The following OR9Q1 variants were observed in gnomAD, a reference collection of about 807,000 sequenced individuals.
The protein encoded by OR9Q1 is olfactory receptor family 9 subfamily Q member 1, also known as olfactory receptor 9Q1.
For missense variants in OR9Q1, 374 were observed against 378.8 expected (o/e 0.99, Z 0.11); for synonymous variants, 153 against 148.6 (o/e 1.03, Z -0.22).
At chr11:58,087,965 G>C (rs1853649357) in intron 2 of OR9Q1, among the ~76,000 whole-genome samples, 1 of 151,580 alleles carries the variant, frequency 6.6e-6, no homozygotes, top group Non-Finnish European at 1.5e-5. Flanking sequence ...CTCGTTCACT[G>C]CAACCTCTGC....
At chr11:58,106,827 C>A (rs893316490) in intron 2 of OR9Q1, among the ~76,000 whole-genome samples, 1 of 152,098 alleles carries the variant, frequency 6.6e-6, no homozygotes, top group Non-Finnish European at 1.5e-5. Context: ...TATTTCTGGG[C>A]TGCCTATTCT....
At chr11:58,031,935 C>T in intron 1 of OR9Q1, 2 of 1,345,170 alleles carry the variant, frequency 1.5e-6, no homozygotes, top group Non-Finnish European at 2.1e-6. Flanking sequence ...AGTTTCCTTG[C>T]CTTGGATATT....
At chr11:58,147,797 T>A (rs1565090344) in intron 2 of OR9Q1, among the ~76,000 whole-genome samples, 1 of 152,202 alleles carries the variant, frequency 6.6e-6, no homozygotes, top group African/African-American at 2.4e-5. Flanking sequence ...AATTACCTAA[T>A]GTGTGTCAGA....
chr11:58,129,236 CGTGTGTGTGTGTGT>C (rs59902083), intron 2 of OR9Q1, among the ~76,000 whole-genome samples: 20 of 144,756 alleles, frequency 1.4e-4, no homozygotes, highest in Admixed American at 1.4e-4. Flanking sequence ...CAGAGCAATT[CGTGTGTGTGTGTGT>C]GTGTGTGTGT....
At chr11:58,053,649 A>ATATATATATTATATATATATAAAT (rs1853296994) in intron 1 of OR9Q1, among the ~76,000 whole-genome samples, 3 of 144,810 alleles carry the variant, frequency 2.1e-5, no homozygotes, top group East Asian at 2.0e-4. Context: ...TATATAAATT[A>ATATATATATTATATATATATAAAT]TATATATATA....
At chr11:58,169,790 AT>A (rs1854538043) in intron 2 of OR9Q1, among the ~76,000 whole-genome samples, 1 of 152,026 alleles carries the variant, frequency 6.6e-6, no homozygotes, top group Non-Finnish European at 1.5e-5. Flanking sequence ...AGGACGGGAC[AT>A]TTAGTATAAC....
At chr11:58,171,650 C>G (rs1028590689) in intron 2 of OR9Q1, 1 of 151,620 alleles carries the variant, frequency 6.6e-6, no homozygotes, top group African/African-American at 2.4e-5. Context: ...GCTGACCATT[C>G]CAATTTTATA....
At position 58,149,811 on chromosome 11, in the gene OR9Q1, C is replaced by T. The variant is rs1387955603; in HGVS notation, c.-14-29620C>T. Among the ~76,000 whole-genome samples the T allele has an allele frequency of 3.3e-5, 5 of 152,148 alleles. No individual in the cohort carries two copies. In the East Asian group the frequency reaches 9.6e-4, roughly 29 times the overall value. ...CAGAACTCCACTGCTTTTTATAAAT[C>T]AATAATAATCTATTGCATGGATATG... On this transcript the variant is annotated intron_variant, in intron 2 of 2. Coordinates refer to ENST00000335397, the MANE Select transcript of OR9Q1 (RefSeq NM_001005212.4).
At chr11:58,079,973 G>T (rs1170734245) in intron 2 of OR9Q1, among the ~76,000 whole-genome samples, 2 of 152,058 alleles carry the variant, frequency 1.3e-5, no homozygotes, top group Admixed American at 6.6e-5. Context: ...TTTAAGTTAC[G>T]CAGCAAAGAG....
Position 58,147,829 on chromosome 11 carries a change from A to G in OR9Q1, c.-14-31602A>G, listed in dbSNP as rs12574234. Among the ~76,000 whole-genome samples, 196 of 152,332 alleles carry G rather than the reference A, an allele frequency of 1.3e-3. 3 individuals carry two copies. The East Asian group carries it at 0.035, about 27-fold the overall frequency. Reference sequence around the variant, plus strand: ...CAGATTCTGTGCTGAGTTTTCACTTATCTCATTTAAAGATTTCATTCTTAA... The same window carrying G: ...CAGATTCTGTGCTGAGTTTTCACTTGTCTCATTTAAAGATTTCATTCTTAA... On this transcript the variant is annotated intron_variant, in intron 2 of 2. Transcript: ENST00000335397.
chr11:58,037,780 G>A (rs181183359), intron 1 of OR9Q1, among the ~76,000 whole-genome samples: 3,426 of 127,810 alleles, frequency 0.027, 63 homozygotes, highest in East Asian at 0.064. Flanking sequence ...ATGCAGTGGC[G>A]CGATCTCGGC....
chr11:58,027,610 T>G (rs1473036997), intron 1 of OR9Q1, among the ~76,000 whole-genome samples: 1 of 152,196 alleles, frequency 6.6e-6, no homozygotes, highest in Non-Finnish European at 1.5e-5. Context: ...GTGAGTCGTT[T>G]TCTTCAGGGA....
chr11:58,090,083 C>T (rs2120062184), intron 2 of OR9Q1, among the ~76,000 whole-genome samples: 1 of 152,294 alleles, frequency 6.6e-6, no homozygotes, highest in Middle Eastern at 3.4e-3. Context: ...ACAATCATGT[C>T]ATCTGCAAAC....
chr11:58,111,848 A>T (rs1229065377), intron 2 of OR9Q1, among the ~76,000 whole-genome samples: 1 of 152,158 alleles, frequency 6.6e-6, no homozygotes. Context: ...TTCTTGAGGT[A>T]GCATTTTACA....
chr11:58,178,363 A>G (rs554781087), intron 2 of OR9Q1, among the ~76,000 whole-genome samples: 1 of 152,326 alleles, frequency 6.6e-6, no homozygotes, highest in African/African-American at 2.4e-5. Flanking sequence ...ACTCTCCAAA[A>G]ATATCCTTTC....
intron 2 of OR9Q1, among the ~76,000 whole-genome samples, chr11:58,084,439 T>C (rs902447404): frequency 1.2e-4 from 18 of 151,896 alleles, no homozygotes; most frequent in African/African-American, 3.4e-4. Flanking sequence ...TAACTGATTA[T>C]ATGAAGCTGG....
chr11:58,105,651 C>G (rs1853832783), intron 2 of OR9Q1, among the ~76,000 whole-genome samples: 1 of 152,086 alleles, frequency 6.6e-6, no homozygotes, highest in Middle Eastern at 3.2e-3. Flanking sequence ...CCCTTCATGC[C>G]TTGGCAACCA....
At chr11:58,160,994 CTTTA>C (rs991695812) in intron 2 of OR9Q1, among the ~76,000 whole-genome samples, 2 of 150,460 alleles carry the variant, frequency 1.3e-5, no homozygotes, top group Non-Finnish European at 2.9e-5. Flanking sequence ...ATTGAATACC[CTTTA>C]TTTCTTTCTC....
At chr11:58,037,300 C>A (rs1010387737) in intron 1 of OR9Q1, among the ~76,000 whole-genome samples, 3 of 152,084 alleles carry the variant, frequency 2.0e-5, no homozygotes, top group African/African-American at 7.2e-5. Flanking sequence ...ATAGTGTAAA[C>A]ATACTTTTGT....
Sources: allele counts gnomAD v4.1 joint callset (sites outside exome capture counted in the v4.1 genomes callset), GRCh38; gene constraint gnomAD v4.1.1; transcripts MANE v1.5; gene names NCBI Gene and HGNC (gene_info 2026-07-23, HGNC 2026-07-21).